Variants in RTN4R observed in about 807,000 individuals in gnomAD.
RTN4R encodes the protein reticulon-4 receptor.
RTN4R carries 4 observed loss-of-function variants against 27.7 expected under a neutral mutation model. That is an observed-to-expected ratio of 0.14 (90% CI 0.07 to 0.33). RTN4R has a LOEUF of 0.33. Ranked by LOEUF, RTN4R falls within the 10% of genes least tolerant of loss-of-function variation. The probability of loss-of-function intolerance (pLI) is 1.00; values close to 1 mark genes in which losing one functional copy is unlikely to be tolerated. For missense variants in RTN4R, 554 were observed against 671.5 expected (o/e 0.83, Z 1.93); for synonymous variants, 290 against 305.6 (o/e 0.95, Z 0.53).
At chr22:20,246,042 G>A (rs889686853) in intron 1 of RTN4R, among the ~76,000 whole-genome samples, 2 of 152,188 alleles carry the variant, frequency 1.3e-5, no homozygotes, top group Non-Finnish European at 2.9e-5. Context: ...ACCCTCCCAG[G>A]CCAATTAACA....
chr22:20,241,824 C>A lies in RTN4R; in HGVS notation c.1309G>T (p.Gly437Trp). Reference sequence around the variant, plus strand: ...TCTGAGTCACCAGTCCCGCCACCCCCGCTGCCTGCCTGGCCCAGACGGCAG... The same window carrying A: ...TCTGAGTCACCAGTCCCGCCACCCCAGCTGCCTGCCTGGCCCAGACGGCAG... ...SHCRLGQAGSGGGGTGDSEGS... is the reference protein window; with the variant it reads ...SHCRLGQAGSWGGGTGDSEGS... The change falls in exon 2 of 2, where the codon GGG becomes TGG. Residue 437 changes from glycine to tryptophan, a missense_variant. By Grantham distance (184) the Gly-to-Trp change is radical (BLOSUM62 -2). Around this residue, in one of 2 missense-constraint regions of RTN4R, gnomAD observed 141 missense variants for 129.2 expected, o/e 1.09. Coordinates refer to ENST00000043402, the MANE Select transcript of RTN4R (RefSeq NM_023004.6). 6.3e-7 allele frequency: 1 copy of A among 1,596,116 alleles called. No homozygotes were observed. Among genetic ancestry groups the A allele is most frequent in the Non-Finnish European group, 8.5e-7 (1 of 1,172,302 alleles).
At chr22:20,251,795 T>G (rs565319481) in intron 1 of RTN4R, among the ~76,000 whole-genome samples, 835 of 49,550 alleles carry the variant, frequency 0.017, 6 homozygotes, top group African/African-American at 0.058. Flanking sequence ...ATCACCAGCC[T>G]CAACACCATC....
In RTN4R at chr22:20,255,493, G is replaced by C. The variant is rs1427261470; in HGVS notation, c.23-12383C>G. On this transcript the variant is annotated intron_variant, in intron 1 of 1. Coordinates refer to ENST00000043402, the MANE Select transcript of RTN4R (RefSeq NM_023004.6). The surrounding 1 kb of genome is among the most constrained non-coding windows in gnomAD (Gnocchi z 4.8). ...GCTGAGGATACATCTGGGTCTCCCA[G>C]GACACTATGGGCTCTTGGCCCCAGA... Among the ~76,000 whole-genome samples, 1 of 152,188 alleles carries C rather than the reference G, an allele frequency of 6.6e-6. No homozygotes were observed. The highest frequency in any genetic ancestry group is 2.4e-5 in the African/African-American group (1 of 41,454).
At position 20,241,570 on chromosome 22, in the gene RTN4R, G is replaced by A; in HGVS notation, c.*141C>T. On this transcript the variant is annotated 3_prime_UTR_variant, in exon 2 of 2. Coordinates refer to ENST00000043402, the MANE Select transcript of RTN4R (RefSeq NM_023004.6). The stretch of plus-strand genomic sequence containing the variant: ...AACATGATGGGGTGGAGATGGGGGT[G>A]GCGGGCGGCAGGCGTCCATCAGGGA... 1 of 833,164 alleles carries A rather than the reference G, an allele frequency of 1.2e-6. No individual in the cohort carries two copies. Among genetic ancestry groups the A allele is most frequent in the Non-Finnish European group, 1.9e-6 (1 of 530,046 alleles). 51.6% of individuals were successfully genotyped at this position (833,164 alleles called of 1,614,324 possible).
At chr22:20,250,852 C>T (rs1257972110) in intron 1 of RTN4R, among the ~76,000 whole-genome samples, 1 of 141,332 alleles carries the variant, frequency 7.1e-6, no homozygotes, top group Non-Finnish European at 1.6e-5. Flanking sequence ...CACACACATG[C>T]ATGCACACAC....
At chr22:20,266,236 C>T (rs373448201) in intron 1 of RTN4R, among the ~76,000 whole-genome samples, 1,725 of 152,284 alleles carry the variant, frequency 0.011, 15 homozygotes, top group African/African-American at 0.039. Flanking sequence ...ACACAACCTA[C>T]AAGGATAACC....
At chr22:20,252,051 A>ACCATCATCCTC (rs2051186425) in intron 1 of RTN4R, among the ~76,000 whole-genome samples, 1 of 7,860 alleles carries the variant, frequency 1.3e-4, no homozygotes, top group African/African-American at 4.4e-4. Context: ...TCCTCATCAC[A>ACCATCATCCTC]ATCACTATCA....
Position 20,255,970 on chromosome 22 carries a change from T to G in RTN4R, c.22+12101A>C, listed in dbSNP as rs1257081352. 1.3e-5 allele frequency among the ~76,000 whole-genome samples: 2 copies of G among 152,228 alleles called. No individual in the cohort carries two copies. The highest frequency in any genetic ancestry group is 2.4e-5 in the African/African-American group (1 of 41,452). On this transcript the variant is annotated intron_variant, in intron 1 of 1. Transcript: ENST00000043402. This position sits in a 1 kb window ranked among gnomAD's most constrained non-coding sequence, Gnocchi z 4.8. ...TGCTCTTTTATTAACAAGTGATAAA[T>G]TATTCCTATATGATTGTGTGTGATA...
At chr22:20,260,365 G>A (rs1331181103) in intron 1 of RTN4R, among the ~76,000 whole-genome samples, 1 of 152,180 alleles carries the variant, frequency 6.6e-6, no homozygotes, top group Non-Finnish European at 1.5e-5. Flanking sequence ...TGTCCAGGGA[G>A]AGCCAGGAGG....
chr22:20,263,869 C>T lies in RTN4R; in HGVS notation c.22+4202G>A, dbSNP rs1398178029. Among the ~76,000 whole-genome samples the T allele has an allele frequency of 2.6e-5, 4 of 152,354 alleles. No homozygotes were observed. The East Asian group carries it at 5.8e-4, about 22-fold the overall frequency. Reference sequence around the variant, plus strand: ...CCCATGCCCCGCTGCCCTGCTGCCCCGCAGAAGAGGCCCCGCAGGCCATAG... The same window carrying T: ...CCCATGCCCCGCTGCCCTGCTGCCCTGCAGAAGAGGCCCCGCAGGCCATAG... On this transcript the variant is annotated intron_variant, in intron 1 of 1. Coordinates refer to ENST00000043402, the MANE Select transcript of RTN4R (RefSeq NM_023004.6).
At chr22:20,261,778 C>T (rs538417601) in intron 1 of RTN4R, among the ~76,000 whole-genome samples, 103 of 152,342 alleles carry the variant, frequency 6.8e-4, no homozygotes, top group African/African-American at 2.4e-3. Flanking sequence ...TCAAGCTAGG[C>T]CTGGGCTCTT....
chr22:20,247,229 T>C (rs116703716), intron 1 of RTN4R, among the ~76,000 whole-genome samples: 5,756 of 152,196 alleles, frequency 0.038, 412 homozygotes, highest in African/African-American at 0.13. Flanking sequence ...TGGGACCAGC[T>C]GTAGCACAGC....
chr22:20,267,348 G>A (rs1484446385), intron 1 of RTN4R, among the ~76,000 whole-genome samples: 1 of 152,216 alleles, frequency 6.6e-6, no homozygotes, highest in Non-Finnish European at 1.5e-5. Context: ...AACTCACATG[G>A]AGCCCACCCT....
chr22:20,248,736 G>C (rs1400109595), intron 1 of RTN4R, among the ~76,000 whole-genome samples: 2 of 152,068 alleles, frequency 1.3e-5, no homozygotes, highest in Non-Finnish European at 2.9e-5. Context: ...AGCCACAGAG[G>C]CCTGAGCCAG....
intron 1 of RTN4R, among the ~76,000 whole-genome samples, chr22:20,250,352 G>C (rs568318756): frequency 6.6e-6 from 1 of 152,386 alleles, no homozygotes; most frequent in East Asian, 1.9e-4. Flanking sequence ...CAGCAGAGCT[G>C]AGTTGTTATG....
intron 1 of RTN4R, among the ~76,000 whole-genome samples, chr22:20,253,057 A>G (rs969876564): frequency 2.6e-5 from 4 of 151,688 alleles, no homozygotes; most frequent in African/African-American, 9.7e-5. Flanking sequence ...AGCCACACGG[A>G]CCCCTCTGCT....
intron 1 of RTN4R, among the ~76,000 whole-genome samples, chr22:20,261,619 C>T (rs1300163904): frequency 6.6e-6 from 1 of 152,200 alleles, no homozygotes; most frequent in Non-Finnish European, 1.5e-5. Context: ...GTCTTGAAGG[C>T]CACCAACCCT....
At chr22:20,249,393 C>A (rs983313034) in intron 1 of RTN4R, among the ~76,000 whole-genome samples, 7 of 152,328 alleles carry the variant, frequency 4.6e-5, no homozygotes, top group African/African-American at 1.7e-4. Flanking sequence ...GCATCCAGAC[C>A]TAAGCCCCAG....
chr22:20,265,246 G>A (rs1470889442), intron 1 of RTN4R, among the ~76,000 whole-genome samples: 6 of 152,212 alleles, frequency 3.9e-5, no homozygotes, highest in Admixed American at 6.5e-5. Flanking sequence ...GGGAGGGGGA[G>A]AGCACGGTCC....
Sources: allele counts gnomAD v4.1 joint callset (sites outside exome capture counted in the v4.1 genomes callset), GRCh38; gene constraint gnomAD v4.1.1; regional missense constraint gnomAD v4.1.1; non-coding constraint Gnocchi (gnomAD v3.1); transcripts MANE v1.5; gene names NCBI Gene and HGNC (gene_info 2026-07-23, HGNC 2026-07-21).